Variants in LRMDA observed in about 807,000 individuals in gnomAD.
The protein encoded by LRMDA is leucine-rich melanocyte differentiation-associated protein.
Under a neutral mutation model 29.8 loss-of-function variants are expected in LRMDA, and 18 were observed. That is an observed-to-expected ratio of 0.60 (90% CI 0.42 to 0.90). LRMDA has a LOEUF of 0.90. Ranked by LOEUF, LRMDA falls within the 40% of genes least tolerant of loss-of-function variation. The pLI is 0.00. For missense variants in LRMDA, 273 were observed against 273.9 expected (o/e 1.00, Z 0.02); for synonymous variants, 125 against 109.4 (o/e 1.14, Z -0.89).
intron 2 of LRMDA, among the ~76,000 whole-genome samples, chr10:75,663,987 T>A (rs896938150): frequency 6.6e-6 from 1 of 152,154 alleles, no homozygotes; most frequent in East Asian, 1.9e-4. Flanking sequence ...ATACAGTCTT[T>A]CCTATCTGTC....
chr10:75,500,866 C>G (rs139641401), intron 2 of LRMDA, among the ~76,000 whole-genome samples: 3 of 152,158 alleles, frequency 2.0e-5, no homozygotes, highest in Non-Finnish European at 4.4e-5. Context: ...GATTACAGTT[C>G]GAGATGAGAT....
At chr10:76,080,357 A>G (rs1462298276) in intron 5 of LRMDA, among the ~76,000 whole-genome samples, 1 of 152,186 alleles carries the variant, frequency 6.6e-6, no homozygotes. Flanking sequence ...TGTTTACCCC[A>G]TGGGGCCAAA....
At chr10:76,001,114 G>A (rs1190290146) in intron 2 of LRMDA, among the ~76,000 whole-genome samples, 3 of 152,092 alleles carry the variant, frequency 2.0e-5, no homozygotes, top group African/African-American at 7.2e-5. Context: ...TGCCTTCCTG[G>A]AGACCCCATC....
At chr10:75,937,259 A>T (rs1037332940) in intron 2 of LRMDA, among the ~76,000 whole-genome samples, 143 of 152,228 alleles carry the variant, frequency 9.4e-4, no homozygotes, top group African/African-American at 3.3e-3. Context: ...ATGTGCCAGG[A>T]AAAGCTCCAC....
intron 3 of LRMDA, among the ~76,000 whole-genome samples, chr10:76,041,921 G>A (rs1023824721): frequency 6.6e-6 from 1 of 152,138 alleles, no homozygotes; most frequent in African/African-American, 2.4e-5. Flanking sequence ...TTTAAAAAAG[G>A]TACCCTTAGG....
intron 2 of LRMDA, among the ~76,000 whole-genome samples, chr10:76,004,394 TCA>T (rs1418842667): frequency 6.6e-6 from 1 of 152,248 alleles, no homozygotes; most frequent in Non-Finnish European, 1.5e-5. Context: ...AGCTTGTGAA[TCA>T]CAGTTTCTTG....
intron 6 of LRMDA, among the ~76,000 whole-genome samples, chr10:76,408,000 A>G (rs1841920283): frequency 6.6e-6 from 1 of 152,188 alleles, no homozygotes; most frequent in South Asian, 2.1e-4. Flanking sequence ...GAGAGAACAC[A>G]GTTTTAAAAT....
At chr10:75,487,627 C>T (rs1299871834) in intron 2 of LRMDA, among the ~76,000 whole-genome samples, 1 of 152,142 alleles carries the variant, frequency 6.6e-6, no homozygotes, top group African/African-American at 2.4e-5. Flanking sequence ...TAGGACCCAG[C>T]GTTCTGGGCA....
chr10:76,083,773 G>A (rs1849086617), intron 5 of LRMDA, among the ~76,000 whole-genome samples: 1 of 150,552 alleles, frequency 6.6e-6, no homozygotes. Flanking sequence ...GGCGAAGGTT[G>A]CAGTGAGCTG....
chr10:75,664,092 T>C (rs1841790633), intron 2 of LRMDA, among the ~76,000 whole-genome samples: 1 of 152,194 alleles, frequency 6.6e-6, no homozygotes, highest in South Asian at 2.1e-4. Flanking sequence ...TGGGAATTGG[T>C]CCAGCCTCCA....
chr10:76,131,670 T>G (rs1849995224), intron 5 of LRMDA, among the ~76,000 whole-genome samples: 1 of 152,184 alleles, frequency 6.6e-6, no homozygotes, highest in South Asian at 2.1e-4. Flanking sequence ...ATGGTTTTTT[T>G]TTTTAAAGAA....
chr10:75,480,810 C>T (rs1844847345), intron 2 of LRMDA, among the ~76,000 whole-genome samples: 1 of 152,136 alleles, frequency 6.6e-6, no homozygotes, highest in Non-Finnish European at 1.5e-5. Flanking sequence ...AGGCAGAGGC[C>T]TGCATTGGAG....
chr10:76,328,715 C>T (rs1274665838), intron 6 of LRMDA, among the ~76,000 whole-genome samples: 3 of 152,226 alleles, frequency 2.0e-5, no homozygotes, highest in Non-Finnish European at 4.4e-5. Flanking sequence ...CAGCATCCCA[C>T]TTGCCTGCCT....
chr10:76,337,246 A>G (rs1285225281), intron 6 of LRMDA, among the ~76,000 whole-genome samples: 2 of 152,224 alleles, frequency 1.3e-5, no homozygotes, highest in Non-Finnish European at 2.9e-5. Context: ...TAAAGTGGGC[A>G]AACATTTCTG....
At chr10:75,939,563 C>T (rs1364103423) in intron 2 of LRMDA, among the ~76,000 whole-genome samples, 1 of 152,126 alleles carries the variant, frequency 6.6e-6, no homozygotes, top group African/African-American at 2.4e-5. Context: ...GGAATCTTCC[C>T]TGAGTTCTCA....
Position 76,238,470 on chromosome 10 carries a change from AC to A in LRMDA, c.517-85924del, listed in dbSNP as rs571091753. Among the ~76,000 whole-genome samples, 266 of 145,914 alleles carry A rather than the reference AC, an allele frequency of 1.8e-3. 4 individuals carry two copies. Among genetic ancestry groups the A allele is most frequent in the Non-Finnish European group, 5.3e-4 (35 of 66,292 alleles). ...TTGCCCTTACATTGAAGGAATAAGG[AC>A]CCCCCCGCCCTCCCATCTTCTCTAC... is the stretch of plus-strand genomic sequence containing the variant. On this transcript the variant is annotated intron_variant, in intron 5 of 6. Coordinates refer to ENST00000611255, the MANE Select transcript of LRMDA (RefSeq NM_001305581.2).
At chr10:76,006,126 T>G (rs1847651796) in intron 2 of LRMDA, among the ~76,000 whole-genome samples, 1 of 152,064 alleles carries the variant, frequency 6.6e-6, no homozygotes, top group South Asian at 2.1e-4. Flanking sequence ...TCAGGCAAGG[T>G]CCAGACCCTG....
At chr10:75,704,408 A>T (rs1842342662) in intron 2 of LRMDA, among the ~76,000 whole-genome samples, 2 of 152,326 alleles carry the variant, frequency 1.3e-5, no homozygotes, top group South Asian at 4.1e-4. Context: ...TTGTTAATCC[A>T]TTTTAAGCCA....
intron 2 of LRMDA, among the ~76,000 whole-genome samples, chr10:75,874,237 G>T (rs1399538280): frequency 6.6e-6 from 1 of 152,220 alleles, no homozygotes; most frequent in Non-Finnish European, 1.5e-5. Flanking sequence ...TAGCCAAGAA[G>T]AGTTAGAGAA....
Sources: gnomAD v4.1 joint callset for allele counts (sites outside exome capture counted in the v4.1 genomes callset) on GRCh38, gnomAD v4.1.1 for gene constraint, MANE v1.5 for transcripts, NCBI Gene and HGNC (gene_info 2026-07-23, HGNC 2026-07-21) for gene names.